Variants in SLC9A4 observed in about 807,000 individuals in gnomAD.
The protein encoded by SLC9A4 is sodium/hydrogen exchanger 4.
In SLC9A4, 63 loss-of-function variants were observed where a neutral mutation model predicts 67.4. That is an observed-to-expected ratio of 0.93 (90% confidence interval 0.76 to 1.15). SLC9A4 has a LOEUF of 1.15. Among genes scored for constraint, SLC9A4 ranks in the 50% most tolerant of loss-of-function variants. SLC9A4 has a pLI of 0.00. For missense variants in SLC9A4, 1,089 were observed against 987.7 expected, an observed-to-expected ratio of 1.10 and a Z score of -1.38; for synonymous variants, 393 against 367.2, an observed-to-expected ratio of 1.07 and a Z score of -0.80.
chr2:102,494,816 T>C (rs1252700674), intron 2 of SLC9A4, among the ~76,000 whole-genome samples: 1 of 151,584 alleles, frequency 6.6e-6, no homozygotes, highest in Admixed American at 6.6e-5. Context: ...CCACCTAATA[T>C]TAGTGCAACA....
At chr2:102,492,349 C>T (rs1340857083) in intron 2 of SLC9A4, among the ~76,000 whole-genome samples, 3 of 152,360 alleles carry the variant, frequency 2.0e-5, no homozygotes, top group Middle Eastern at 3.4e-3. Context: ...AGGGCCCTGC[C>T]CCTGCAGAAA....
chr2:102,481,086 G>A (rs181107076), intron 2 of SLC9A4, among the ~76,000 whole-genome samples: 3 of 152,318 alleles, frequency 2.0e-5, no homozygotes, highest in Non-Finnish European at 4.4e-5. Context: ...GATAAGGAGG[G>A]TGGTTTGGCT....
At chr2:102,490,592 T>C (rs1458587500) in intron 2 of SLC9A4, among the ~76,000 whole-genome samples, 2 of 152,248 alleles carry the variant, frequency 1.3e-5, no homozygotes, top group Non-Finnish European at 2.9e-5. Flanking sequence ...TATCAGGTAC[T>C]GGCAGTTAAA....
chr2:102,518,453 G>A (rs1313490985), intron 8 of SLC9A4, among the ~76,000 whole-genome samples: 2 of 152,160 alleles, frequency 1.3e-5, no homozygotes, highest in Non-Finnish European at 2.9e-5. Flanking sequence ...CATTTAAACA[G>A]TTAGGTTTAA....
At chr2:102,523,885 A>G (rs1573356478) in intron 9 of SLC9A4, among the ~76,000 whole-genome samples, 1 of 152,218 alleles carries the variant, frequency 6.6e-6, no homozygotes, top group Non-Finnish European at 1.5e-5. Flanking sequence ...TATTCCCAGG[A>G]TAACACTCAC....
At chr2:102,517,810 G>A (rs1298792264) in intron 8 of SLC9A4, among the ~76,000 whole-genome samples, 1 of 151,542 alleles carries the variant, frequency 6.6e-6, no homozygotes, top group Non-Finnish European at 1.5e-5. Context: ...TTTCCAGTTT[G>A]ATTGAAATTA....
intron 11 of SLC9A4, among the ~76,000 whole-genome samples, chr2:102,529,583 C>T (rs1252545940): frequency 6.6e-6 from 1 of 152,176 alleles, no homozygotes; most frequent in African/African-American, 2.4e-5. Flanking sequence ...TAATAGTGAT[C>T]AGGATAAGGC....
At chr2:102,492,134 C>T (rs1301743350) in intron 2 of SLC9A4, among the ~76,000 whole-genome samples, 2 of 152,238 alleles carry the variant, frequency 1.3e-5, no homozygotes, top group Non-Finnish European at 2.9e-5. Context: ...CCACCTCCCC[C>T]ACCACCCCAG....
intron 2 of SLC9A4, among the ~76,000 whole-genome samples, chr2:102,501,816 A>G (rs1684946852): frequency 6.6e-6 from 1 of 151,814 alleles, no homozygotes; most frequent in African/African-American, 2.4e-5. Context: ...CAGTGGAGAC[A>G]CTAAGTGTCT....
chr2:102,474,072 T>C (rs1270199042), intron 1 of SLC9A4, 57 bp downstream of exon 1: 19 of 1,567,546 alleles, frequency 1.2e-5, no homozygotes, highest in Non-Finnish European at 1.6e-5. Flanking sequence ...ATAGTGAATG[T>C]GAAAATGCCT....
Position 102,473,810 on chromosome 2 carries a change from G to T in SLC9A4, c.51G>T (p.Leu17=), listed in dbSNP as rs763436561. 1.9e-6 allele frequency: 3 copies of T among 1,614,102 alleles called. No homozygotes were observed. The highest frequency in any genetic ancestry group is 2.5e-6 in the Non-Finnish European group (3 of 1,179,948). ...VTYSPWNCLL[L]LVALECSEAS... is the part of the protein sequence containing the mutation. ...ACAGTCCTTGGAATTGTTTGCTACT[G>T]CTAGTGGCTCTTGAGTGTTCTGAAG... The change falls in exon 1 of 12, where the codon CTG becomes CTT. Residue 17 remains leucine (L), a synonymous_variant. Transcript: ENST00000295269.
intron 1 of SLC9A4, among the ~76,000 whole-genome samples, chr2:102,478,109 A>T (rs1014720480): frequency 2.0e-5 from 3 of 152,190 alleles, no homozygotes; most frequent in Admixed American, 6.5e-5. Flanking sequence ...ACAATCAGAG[A>T]CCCATGGTGT....
chr2:102,478,145 T>C (rs1684371972), intron 1 of SLC9A4, among the ~76,000 whole-genome samples: 1 of 152,100 alleles, frequency 6.6e-6, no homozygotes, highest in Non-Finnish European at 1.5e-5. Flanking sequence ...CAGTAGAGTG[T>C]GGTGAGACTG....
At chr2:102,505,231 C>T (rs563937968) in intron 3 of SLC9A4, 23 bp from the exon 4 acceptor site, 1 of 1,606,768 alleles carries the variant, frequency 6.2e-7, no homozygotes, top group African/African-American at 1.3e-5. Flanking sequence ...TGGATTTTCT[C>T]TGAGACTCTG....
chr2:102,483,137 A>G (rs1447933199), intron 2 of SLC9A4, among the ~76,000 whole-genome samples: 1 of 152,170 alleles, frequency 6.6e-6, no homozygotes, highest in Non-Finnish European at 1.5e-5. Flanking sequence ...TCTGCTGAGG[A>G]CACTGCTGTG....
intron 2 of SLC9A4, among the ~76,000 whole-genome samples, chr2:102,480,549 G>A (rs537377049): frequency 2.0e-5 from 3 of 152,140 alleles, no homozygotes; most frequent in African/African-American, 7.2e-5. Context: ...GCGTCATTCA[G>A]GTTGTTTCCA....
chr2:102,485,381 A>C (rs560573679), intron 2 of SLC9A4, among the ~76,000 whole-genome samples: 4 of 152,216 alleles, frequency 2.6e-5, no homozygotes, highest in African/African-American at 9.6e-5. Flanking sequence ...ATCAGAGACC[A>C]TTGACCTTTC....
At chr2:102,486,046 T>A (rs1382124999) in intron 2 of SLC9A4, among the ~76,000 whole-genome samples, 1 of 152,128 alleles carries the variant, frequency 6.6e-6, no homozygotes, top group East Asian at 1.9e-4. Context: ...GAGGGCAAAT[T>A]TTCCTTCATG....
At chr2:102,477,329 C>T (rs1684356056) in intron 1 of SLC9A4, among the ~76,000 whole-genome samples, 1 of 152,218 alleles carries the variant, frequency 6.6e-6, no homozygotes, top group Non-Finnish European at 1.5e-5. Flanking sequence ...TTCTCCCATT[C>T]TGTCACCCAA....
Sources: gnomAD v4.1 joint callset for allele counts (sites outside exome capture counted in the v4.1 genomes callset) on GRCh38, gnomAD v4.1.1 for gene constraint, MANE v1.5 for transcripts, NCBI Gene and HGNC (gene_info 2026-07-23, HGNC 2026-07-21) for gene names.